IL12RB2: variants seen among roughly 807,000 people sequenced by gnomAD.
IL12RB2 encodes the protein interleukin-12 receptor subunit beta-2.
A neutral mutation model predicts 89.4 loss-of-function variants in IL12RB2; 82 were observed. That is an observed-to-expected ratio of 0.92 (90% CI 0.77 to 1.10). IL12RB2 has a LOEUF of 1.10. IL12RB2 is among the 50% of genes least tolerant of loss of function. The pLI, the probability that IL12RB2 is intolerant of heterozygous loss-of-function variation, is 0.00. For synonymous variants in IL12RB2, 368 were observed against 370.1 expected (o/e 0.99, Z 0.07); for missense variants, 963 against 1,031.9 (o/e 0.93, Z 0.92).
chr1:67,320,969 A>G (rs1310283248), intron 3 of IL12RB2, among the ~76,000 whole-genome samples: 2 of 113,690 alleles, frequency 1.8e-5, no homozygotes, highest in Non-Finnish European at 3.3e-5. Flanking sequence ...TTCAACTCCC[A>G]CTTAAGAGTG....
intron 11 of IL12RB2, among the ~76,000 whole-genome samples, chr1:67,371,929 GAA>G (rs1366394545): frequency 6.6e-6 from 1 of 152,198 alleles, no homozygotes; most frequent in Non-Finnish European, 1.5e-5. Flanking sequence ...CGCAGAATTA[GAA>G]AAGCTATTCA....
intron 10 of IL12RB2, among the ~76,000 whole-genome samples, chr1:67,355,672 G>C (rs1197729861): frequency 1.3e-5 from 2 of 152,148 alleles, no homozygotes; most frequent in Non-Finnish European, 2.9e-5. Context: ...GACCACCCTT[G>C]GGTGAGCACT....
chr1:67,351,216 T>C, intron 10 of IL12RB2, 127 bp downstream of exon 10: 1 of 1,501,950 alleles, frequency 6.7e-7, no homozygotes, highest in African/African-American at 1.4e-5. Flanking sequence ...GTCAACAGCT[T>C]TCAGAGGCTT....
intron 10 of IL12RB2, among the ~76,000 whole-genome samples, chr1:67,354,300 G>A (rs1661153836): frequency 2.6e-5 from 4 of 152,104 alleles, no homozygotes; most frequent in African/African-American, 9.7e-5. Context: ...AGTGAGAGCT[G>A]AGCAGGCATA....
chr1:67,391,394 C>CACACAT (rs1459817551), intron 16 of IL12RB2, among the ~76,000 whole-genome samples: 2 of 146,302 alleles, frequency 1.4e-5, no homozygotes, highest in African/African-American at 5.0e-5. Flanking sequence ...TCTATACACA[C>CACACAT]ACACACACAC....
intron 10 of IL12RB2, among the ~76,000 whole-genome samples, chr1:67,359,017 T>C (rs1201063185): frequency 6.6e-6 from 1 of 152,046 alleles, no homozygotes; most frequent in Non-Finnish European, 1.5e-5. Context: ...GGTGCACGCC[T>C]GTAGTTCCAG....
chr1:67,319,164 G>A (rs184568986), intron 2 of IL12RB2, among the ~76,000 whole-genome samples: 6 of 152,264 alleles, frequency 3.9e-5, no homozygotes, highest in African/African-American at 1.4e-4. Context: ...ATATTTTCTG[G>A]CATATGTCTA....
intron 13 of IL12RB2, among the ~76,000 whole-genome samples, chr1:67,375,026 A>G (rs1235804690): frequency 2.0e-5 from 3 of 152,052 alleles, no homozygotes. Flanking sequence ...CATTTAATTC[A>G]GTAAGTATCT....
chr1:67,388,841 T>G (rs1023013966), intron 15 of IL12RB2, among the ~76,000 whole-genome samples: 1 of 152,226 alleles, frequency 6.6e-6, no homozygotes, highest in Non-Finnish European at 1.5e-5. Flanking sequence ...TCTTTTGACC[T>G]CTAACTCAAA....
rs1485730700 is a variant in IL12RB2, at chr1:67,328,205, G to T, written c.485G>T (p.Ser162Ile). 6.2e-7 allele frequency: 1 copy of T among 1,613,178 alleles called. No individual in the cohort carries two copies. Among genetic ancestry groups the T allele is most frequent in the African/African-American group, 1.3e-5 (1 of 75,032 alleles). ...TGGTTGTGTTTTGTTTACAGGCTAA[G>T]TGGACCAAAAAATTTAACCTGGCAG... ...HLYTEYTLQLSGPKNLTWQKQ... is the reference protein window; with the variant it reads ...HLYTEYTLQLIGPKNLTWQKQ... Residue 162 changes from serine (S) to isoleucine (I), a missense_variant, in exon 6 of 17, where the codon AGT (serine) becomes ATT (isoleucine). By Grantham distance (142) the Ser-to-Ile change is moderately radical. Transcript: ENST00000674203.
chr1:67,372,961 A>G (rs999004775), intron 13 of IL12RB2, among the ~76,000 whole-genome samples, 178 bp downstream of exon 13: 5 of 152,252 alleles, frequency 3.3e-5, no homozygotes, highest in African/African-American at 1.2e-4. Context: ...ACATCTAAAC[A>G]CACAAACAGA....
At chr1:67,364,484 C>G (rs561889483) in intron 10 of IL12RB2, among the ~76,000 whole-genome samples, 2 of 152,232 alleles carry the variant, frequency 1.3e-5, no homozygotes, top group East Asian at 3.9e-4. Flanking sequence ...GAAAAAGAAG[C>G]TGGAGTAGCT....
At chr1:67,375,044 G>A (rs1015307098) in intron 13 of IL12RB2, among the ~76,000 whole-genome samples, 1 of 152,022 alleles carries the variant, frequency 6.6e-6, no homozygotes, top group Non-Finnish European at 1.5e-5. Context: ...TCTGTTGATG[G>A]ATAAGACCTA....
chr1:67,349,782 G>A (rs1185046306), intron 9 of IL12RB2, among the ~76,000 whole-genome samples: 2 of 152,276 alleles, frequency 1.3e-5, no homozygotes, highest in Non-Finnish European at 1.5e-5. Flanking sequence ...CCAACCAGAA[G>A]GCTTGAGTCA....
rs1362737587 is a variant in IL12RB2, at chr1:67,386,566, C to T, written c.1856-13C>T. ...GATAACTCACTCAGTCACAGGATTT[C>T]CTAACTTTTCAGGTAAAGCCAATTG... On this transcript the variant is annotated splice_polypyrimidine_tract_variant and intron_variant, in intron 14 of 16. Transcript: ENST00000674203. 1.3e-6 allele frequency: 2 copies of T among 1,590,410 alleles called. No homozygotes were observed. Among genetic ancestry groups the T allele is most frequent in the Non-Finnish European group, 1.7e-6 (2 of 1,158,610 alleles).
intron 16 of IL12RB2, 58 bp from the exon 17 acceptor site, chr1:67,395,489 T>C (rs564227015): frequency 1.5e-5 from 25 of 1,613,574 alleles, no homozygotes; most frequent in Non-Finnish European, 1.9e-5. Flanking sequence ...CCTGGAGAAA[T>C]AGGTTGTGAA....
At chr1:67,353,776 G>C (rs1422752215) in intron 10 of IL12RB2, among the ~76,000 whole-genome samples, 3 of 152,096 alleles carry the variant, frequency 2.0e-5, no homozygotes, top group African/African-American at 7.2e-5. Context: ...AATTTTTAAA[G>C]TGAATTCTGT....
Position 67,330,689 on chromosome 1 carries a change from TG to T in IL12RB2, c.838del (p.Asp280IlefsTer5). On this transcript the variant is annotated frameshift_variant, in exon 8 of 17. Transcript: ENST00000674203. LOFTEE classifies it high-confidence loss of function. Reference sequence around the variant, plus strand: ...ATGTTACAAAGGCCAAAGGAAGACATGATTTGCTGGATCTGAAACCATTTAC... The same window carrying T: ...ATGTTACAAAGGCCAAAGGAAGACATATTTGCTGGATCTGAAACCATTTAC... Reference protein sequence around the residue: ...VNVTKAKGRHDLLDLKPFTEY... With the variant: ...VNVTKAKGRHXLLDLKPFTEY... 1 of 1,559,756 alleles carries T rather than the reference TG, an allele frequency of 6.4e-7. No individual in the cohort carries two copies. The highest frequency in any genetic ancestry group is 1.1e-5 in the South Asian group (1 of 89,960).
At chr1:67,375,430 G>A (rs1172502011) in intron 13 of IL12RB2, among the ~76,000 whole-genome samples, 1 of 152,058 alleles carries the variant, frequency 6.6e-6, no homozygotes, top group Non-Finnish European at 1.5e-5. Flanking sequence ...GTACACAAAA[G>A]GGATGTAACT....
Sources: gnomAD v4.1 joint callset for allele counts (sites outside exome capture counted in the v4.1 genomes callset) on GRCh38, gnomAD v4.1.1 for gene constraint, MANE v1.5 for transcripts, NCBI Gene and HGNC (gene_info 2026-07-23, HGNC 2026-07-21) for gene names.